DDX60: variants seen among roughly 807,000 people sequenced by gnomAD.
DDX60 encodes the protein probable ATP-dependent RNA helicase DDX60.
Under a neutral mutation model 212.8 loss-of-function variants are expected in DDX60, and 165 were observed. That is an observed-to-expected ratio of 0.78 (90% CI 0.68 to 0.88). The LOEUF (loss-of-function observed/expected upper bound fraction) is 0.88, where lower values mean the gene tolerates loss of function less well. DDX60 is among the 40% of genes least tolerant of loss of function. The pLI is 0.00. For missense variants in DDX60, 1,905 were observed against 2,003.9 expected (o/e 0.95, Z 0.94); for synonymous variants, 703 against 685.3 (o/e 1.03, Z -0.40).
chr4:168,324,022 C>G, the DDX60 span, among the ~76,000 whole-genome samples: 1 of 152,170 alleles, frequency 6.6e-6, no homozygotes, highest in Non-Finnish European at 1.5e-5. Flanking sequence ...AGAGGCTCCC[C>G]AGGTAGTGTG....
At position 168,298,891 on chromosome 4, in the gene DDX60, G is replaced by A. The variant is rs145052921; in HGVS notation, c.723+3409C>T. On this transcript the variant is annotated intron_variant, in intron 6 of 37. Coordinates refer to ENST00000393743, the MANE Select transcript of DDX60 (RefSeq NM_017631.6). Reference sequence around the variant, plus strand: ...AAAAATCATGAACGTAGCCGGGCACGGTGGCTCATGCCTGTAATCCCAGCA... The same window carrying A: ...AAAAATCATGAACGTAGCCGGGCACAGTGGCTCATGCCTGTAATCCCAGCA... Among the ~76,000 whole-genome samples, 258 of 151,986 alleles carry A rather than the reference G, an allele frequency of 1.7e-3. 1 individual carries two copies. The highest frequency in any genetic ancestry group is 4.0e-3 in the African/African-American group (166 of 41,464).
intron 30 of DDX60, among the ~76,000 whole-genome samples, chr4:168,242,317 C>T (rs117860799): frequency 0.022 from 3,373 of 152,260 alleles, 206 homozygotes; most frequent in East Asian, 0.15. Flanking sequence ...GACCCCCACC[C>T]TCCAGACCCC....
At chr4:168,230,017 G>A (rs1733388895) in intron 33 of DDX60, among the ~76,000 whole-genome samples, 1 of 151,958 alleles carries the variant, frequency 6.6e-6, no homozygotes, top group African/African-American at 2.4e-5. Context: ...TAAGGGAAAG[G>A]GGTGGAGAAA....
Position 168,288,215 on chromosome 4 carries a change from A to C in DDX60, c.1142T>G (p.Leu381Trp), listed in dbSNP as rs1436169545. The C allele has an allele frequency of 6.6e-7, 1 of 1,520,326 alleles. No individual in the cohort carries two copies. Among genetic ancestry groups the C allele is most frequent in the South Asian group, 1.2e-5 (1 of 83,802 alleles). 94.2% of individuals were successfully genotyped at this position (1,520,326 alleles called of 1,614,324 possible). The change falls in exon 9 of 38, where the codon TTG (leucine) becomes TGG (tryptophan). Residue 381 changes from leucine to tryptophan, a missense_variant. By Grantham distance (61) the Leu-to-Trp change is moderately conservative (BLOSUM62 -2). Transcript: ENST00000393743. Reference sequence around the variant, plus strand: ...TTCATAGTAAAAAGCAATATTCTTCAACAAAAGCTCATCATTTAAGTCAGA... The same window carrying C: ...TTCATAGTAAAAAGCAATATTCTTCCACAAAAGCTCATCATTTAAGTCAGA... ...HLSDLNDELL[L>W]KNIAFYYENE...
rs752360790 is a variant in DDX60, at chr4:168,283,442, C to G, written c.1722+4G>C. On this transcript the variant is annotated splice_donor_region_variant and intron_variant, in intron 13 of 37. Transcript: ENST00000393743. Reference sequence around the variant, plus strand: ...TTTAATTGGATAGAATTTATAGAACCTACGTGTGCCTTTTTGCTCTTGGGC... The same window carrying G: ...TTTAATTGGATAGAATTTATAGAACGTACGTGTGCCTTTTTGCTCTTGGGC... 4 of 1,612,672 alleles carry G rather than the reference C, an allele frequency of 2.5e-6. No individual in the cohort carries two copies. Among genetic ancestry groups the G allele is most frequent in the Non-Finnish European group, 3.4e-6 (4 of 1,179,392 alleles).
At chr4:168,238,834 A>G (rs989510822) in intron 30 of DDX60, among the ~76,000 whole-genome samples, 9 of 152,172 alleles carry the variant, frequency 5.9e-5, no homozygotes, top group Admixed American at 5.2e-4. Flanking sequence ...TCAATGTGTA[A>G]TAAGACTAGC....
At chr4:168,325,261 C>T in the DDX60 span, among the ~76,000 whole-genome samples, 2 of 152,218 alleles carry the variant, frequency 1.3e-5, no homozygotes, top group African/African-American at 2.4e-5. Flanking sequence ...CTTTACCTGA[C>T]ATGTGGCTTT....
chr4:168,217,906 G>A (rs1257145633), intron 37 of DDX60, among the ~76,000 whole-genome samples: 2 of 152,132 alleles, frequency 1.3e-5, no homozygotes, highest in African/African-American at 4.8e-5. Flanking sequence ...TTGGACTTCT[G>A]ACCTCCAGAA....
chr4:168,240,402 T>G (rs1262212321), intron 30 of DDX60, among the ~76,000 whole-genome samples: 2 of 152,036 alleles, frequency 1.3e-5, no homozygotes, highest in Non-Finnish European at 2.9e-5. Flanking sequence ...CTGCCCAGAG[T>G]AATTTATAGA....
Position 168,250,806 on chromosome 4 carries a change from T to C in DDX60, c.3858+148A>G, listed in dbSNP as rs140147669. On this transcript the variant is annotated intron_variant, in intron 28 of 37. Transcript: ENST00000393743. ...TCCCAAAGTGCTGGTATTATAGGTA[T>C]GACCCATCACGCCCGGCCAACTTAT... 4,715 of 638,422 alleles carry C rather than the reference T, an allele frequency of 7.4e-3. 24 individuals are homozygous for C. Among genetic ancestry groups the C allele is most frequent in the Non-Finnish European group, 0.01 (3,870 of 384,254 alleles). 39.5% of individuals were successfully genotyped at this position (638,422 alleles called of 1,614,324 possible).
upstream of DDX60, among the ~76,000 whole-genome samples, chr4:168,322,696 TAGGGGAA>T (rs1737630080): frequency 1.3e-5 from 2 of 152,176 alleles, no homozygotes; most frequent in Non-Finnish European, 2.9e-5. Context: ...ATTCCCACCC[TAGGGGAA>T]AGGGATGGCC....
At chr4:168,306,357 T>C (rs1285690808) in intron 5 of DDX60, 22 bp downstream of exon 5, 4 of 1,548,018 alleles carry the variant, frequency 2.6e-6, no homozygotes, top group South Asian at 1.2e-5. Context: ...CTAGAAGAAA[T>C]TGTCTTTTGG....
intron 30 of DDX60, among the ~76,000 whole-genome samples, chr4:168,242,571 G>A (rs1348803241): frequency 6.6e-6 from 1 of 152,132 alleles, no homozygotes; most frequent in Admixed American, 6.5e-5. Context: ...ACTTGCATGG[G>A]GCCTGTGGTG....
chr4:168,283,943 T>C (rs1735707817), intron 12 of DDX60, among the ~76,000 whole-genome samples: 2 of 152,120 alleles, frequency 1.3e-5, no homozygotes, highest in South Asian at 4.1e-4. Flanking sequence ...CCATCTAAGA[T>C]ATTCTGACTT....
At chr4:168,277,646 G>C (rs1735401240) in intron 14 of DDX60, among the ~76,000 whole-genome samples, 1 of 151,620 alleles carries the variant, frequency 6.6e-6, no homozygotes, top group South Asian at 2.1e-4. Context: ...GACCATCCTG[G>C]CTAACATGGT....
At chr4:168,279,495 C>A (rs561062334) in intron 14 of DDX60, among the ~76,000 whole-genome samples, 1 of 152,190 alleles carries the variant, frequency 6.6e-6, no homozygotes, top group Non-Finnish European at 1.5e-5. Context: ...TGATAAGGTG[C>A]TGGAAATTAT....
At chr4:168,240,487 T>C (rs1733801010) in intron 30 of DDX60, among the ~76,000 whole-genome samples, 2 of 152,080 alleles carry the variant, frequency 1.3e-5, no homozygotes, top group South Asian at 4.1e-4. Flanking sequence ...AAATTCATAG[T>C]GGAACCAAAA....
At position 168,287,145 on chromosome 4, in the gene DDX60, G is replaced by C. The variant is rs144769993; in HGVS notation, c.1242C>G (p.Thr414=). ...CAAAGTCTCTGACCAACTTTGATAC[G>C]GTATTCCAGAGATATTCATAATCTT... ...IMKDYEYLWN[T]VSKLVRDFEV... is the part of the protein sequence containing the mutation. The change falls in exon 10 of 38, where the codon ACC becomes ACG. Residue 414 remains threonine, a synonymous_variant. Transcript: ENST00000393743. 1.2e-6 allele frequency: 2 copies of C among 1,610,408 alleles called. No homozygotes were observed. The highest frequency in any genetic ancestry group is 1.7e-6 in the Non-Finnish European group (2 of 1,177,932).
intron 8 of DDX60, among the ~76,000 whole-genome samples, chr4:168,289,543 G>A (rs1735996670): frequency 6.6e-6 from 1 of 151,892 alleles, no homozygotes; most frequent in African/African-American, 2.4e-5. Context: ...ACATCCACAG[G>A]GTAACAATTC....
Sources: gnomAD v4.1 joint callset for allele counts (sites outside exome capture counted in the v4.1 genomes callset) on GRCh38, gnomAD v4.1.1 for gene constraint, MANE v1.5 for transcripts, NCBI Gene and HGNC (gene_info 2026-07-23, HGNC 2026-07-21) for gene names.